PI4KA: variants seen among roughly 807,000 people sequenced by gnomAD.
The protein encoded by PI4KA is phosphatidylinositol 4-kinase alpha.
In PI4KA, 122 loss-of-function variants were observed where a neutral mutation model predicts 271.4. The observed-to-expected ratio is 0.45, with a 90% CI of 0.39 to 0.52. The LOEUF (loss-of-function observed/expected upper bound fraction) is 0.52, where lower values mean the gene tolerates loss of function less well. Ranked by LOEUF, PI4KA falls within the 20% of genes least tolerant of loss-of-function variation. The probability of loss-of-function intolerance (pLI) is 0.00; values close to 1 mark genes in which losing one functional copy is unlikely to be tolerated. For missense variants in PI4KA, 1,969 were observed against 2,769.1 expected, an observed-to-expected ratio of 0.71 and a Z score of 6.48; for synonymous variants, 1,041 against 1,078.8, an observed-to-expected ratio of 0.96 and a Z score of 0.69.
At chr22:20,843,182 T>G (rs1023636031) in intron 1 of PI4KA, among the ~76,000 whole-genome samples, 3 of 152,144 alleles carry the variant, frequency 2.0e-5, no homozygotes. Context: ...TAAAAAATAT[T>G]GATAACTTTA....
chr22:20,719,887 G>A (rs1041072154), intron 43 of PI4KA, among the ~76,000 whole-genome samples: 3 of 152,034 alleles, frequency 2.0e-5, no homozygotes, highest in Non-Finnish European at 2.9e-5. Flanking sequence ...ATTAGCAGGC[G>A]TGGTGGCAGG....
intron 40 of PI4KA, 112 bp downstream of exon 40, chr22:20,727,662 C>G: frequency 1.2e-6 from 1 of 808,110 alleles, no homozygotes; most frequent in South Asian, 1.7e-5. Flanking sequence ...ATGAATAGCA[C>G]TGAAGTTGCC....
chr22:20,852,894 T>C (rs1221846086), intron 1 of PI4KA, among the ~76,000 whole-genome samples: 2 of 152,182 alleles, frequency 1.3e-5, no homozygotes. Flanking sequence ...GGAGCACATA[T>C]GTCCACCAAG....
intron 1 of PI4KA, among the ~76,000 whole-genome samples, chr22:20,853,551 C>T (rs1927242893): frequency 6.6e-6 from 1 of 152,170 alleles, no homozygotes; most frequent in African/African-American, 2.4e-5. Context: ...TTATCTTTCT[C>T]CCAGAGGGAG....
At position 20,721,406 on chromosome 22, in the gene PI4KA, G is replaced by T; in HGVS notation, c.5008C>A (p.Arg1670=). 6.2e-7 allele frequency: 1 copy of T among 1,613,788 alleles called. No individual in the cohort carries two copies. The change falls in exon 43 of 55, where the codon CGG becomes AGG. Residue 1670 remains arginine, a synonymous_variant. Transcript: ENST00000255882. ...ALRYDKMGYV[R]EYILWAASKS... The stretch of plus-strand genomic sequence containing the variant: ...GACGCTGCCCACAGAATATACTCCC[G>T]CACATAGCCCATCTGCAGGAGAGCA...
chr22:20,820,196 C>T (rs1259772158), intron 5 of PI4KA, among the ~76,000 whole-genome samples: 3 of 152,196 alleles, frequency 2.0e-5, no homozygotes, highest in Admixed American at 6.5e-5. Context: ...TTATCAAGTA[C>T]CTTATACATT....
chr22:20,854,108 A>C (rs1172030303), intron 1 of PI4KA, among the ~76,000 whole-genome samples: 1 of 151,950 alleles, frequency 6.6e-6, no homozygotes, highest in Non-Finnish European at 1.5e-5. Context: ...GAGCTCAATA[A>C]ATGTTTTCTG....
chr22:20,856,584 G>GC (rs1053778935), intron 1 of PI4KA, among the ~76,000 whole-genome samples: 9 of 151,870 alleles, frequency 5.9e-5, no homozygotes, highest in Non-Finnish European at 1.3e-4. Flanking sequence ...AGAGGCACGT[G>GC]CCACCACACC....
In PI4KA at chr22:20,729,339, G is replaced by A; in HGVS notation, c.4656C>T (p.Pro1552=). ...TGGCAGGCAGCTGCACGGCTAGGTA[G>A]GGAGAGATGCTCCAGGCGAGGTTCA... is the stretch of plus-strand genomic sequence containing the variant. ...DNVNLAWSIS[P]YLAVQLPARF... Residue 1552 remains proline (P), a synonymous_variant, in exon 39 of 55, where the codon CCC becomes CCT. Coordinates refer to ENST00000255882, the MANE Select transcript of PI4KA (RefSeq NM_058004.4). 1 of 1,613,914 alleles carries A rather than the reference G, an allele frequency of 6.2e-7. No individual in the cohort carries two copies. Among genetic ancestry groups the A allele is most frequent in the South Asian group, 1.1e-5 (1 of 91,056 alleles).
chr22:20,738,075 A>C (rs1928951407), intron 32 of PI4KA, among the ~76,000 whole-genome samples: 1 of 152,164 alleles, frequency 6.6e-6, no homozygotes, highest in South Asian at 2.1e-4. Flanking sequence ...AGGAGGGCAC[A>C]CTTGTCCTCT....
At chr22:20,835,016 A>G (rs1924677830) in intron 2 of PI4KA, among the ~76,000 whole-genome samples, 1 of 152,208 alleles carries the variant, frequency 6.6e-6, no homozygotes, top group South Asian at 2.1e-4. Context: ...TTAGAGCCCC[A>G]AAACCCATCC....
intron 3 of PI4KA, among the ~76,000 whole-genome samples, chr22:20,834,139 G>A (rs984307764): frequency 1.3e-5 from 2 of 152,070 alleles, no homozygotes; most frequent in Non-Finnish European, 2.9e-5. Flanking sequence ...TTGCTGTTGG[G>A]TCTCCAACCT....
intron 31 of PI4KA, 27 bp from the exon 32 acceptor site, chr22:20,742,382 G>A: frequency 1.2e-6 from 2 of 1,609,390 alleles, no homozygotes; most frequent in Non-Finnish European, 1.7e-6. Flanking sequence ...GTCAGTCAGA[G>A]GCCTCCAACA....
intron 45 of PI4KA, among the ~76,000 whole-genome samples, 193 bp from the exon 46 acceptor site, chr22:20,714,893 C>G (rs1313409357): frequency 6.6e-6 from 1 of 152,208 alleles, no homozygotes; most frequent in Non-Finnish European, 1.5e-5. Context: ...TCCTCCTTGA[C>G]TCTTCGACTC....
chr22:20,713,428 C>T (rs1925585472), intron 47 of PI4KA, 38 bp from the exon 48 acceptor site: 1 of 1,487,390 alleles, frequency 6.7e-7, no homozygotes, highest in Non-Finnish European at 9.2e-7. Flanking sequence ...AGCCTGTAGG[C>T]AGTGAGAAGC....
In PI4KA at chr22:20,830,325, G is replaced by A. The variant is rs190887689; in HGVS notation, c.367+4237C>T. Among the ~76,000 whole-genome samples the A allele has an allele frequency of 4.0e-4, 59 of 147,696 alleles. No homozygotes were observed. In the East Asian group the frequency reaches 9.2e-3, roughly 23 times the overall value. The stretch of plus-strand genomic sequence containing the variant: ...TATGAATGTGGTTGCTTCCGTGTTC[G>A]ATATGTATAAATTTGCTCCCGTGTT... On this transcript the variant is annotated intron_variant, in intron 3 of 54. Transcript: ENST00000255882.
At chr22:20,831,927 T>G (rs1179283750) in intron 3 of PI4KA, among the ~76,000 whole-genome samples, 1 of 152,136 alleles carries the variant, frequency 6.6e-6, no homozygotes, top group East Asian at 1.9e-4. Flanking sequence ...CCAAGTTGCT[T>G]ATTTTCTCTC....
At position 20,814,355 on chromosome 22, in the gene PI4KA, T is replaced by C. The variant is rs1024365911; in HGVS notation, c.857-849A>G. ...AAGGGGAAATGGGGAATAATTGATG[T>C]ATAGTTTCAGTTTCACGAGATGAAA... On this transcript the variant is annotated intron_variant, in intron 7 of 54. Transcript: ENST00000255882. Among the ~76,000 whole-genome samples the C allele has an allele frequency of 3.9e-5, 6 of 152,292 alleles. No individual in the cohort carries two copies. In the South Asian group the frequency reaches 1.2e-3, roughly 32 times the overall value.
intron 36 of PI4KA, among the ~76,000 whole-genome samples, chr22:20,731,566 CGGGCGGATCAGA>C (rs1454004421): frequency 1.3e-5 from 2 of 151,964 alleles, no homozygotes; most frequent in Non-Finnish European, 2.9e-5. Flanking sequence ...GAGGCTGAGG[CGGGCGGATCAGA>C]AGGTCAGGAG....
Sources: gnomAD v4.1 joint callset for allele counts (sites outside exome capture counted in the v4.1 genomes callset) on GRCh38, gnomAD v4.1.1 for gene constraint, MANE v1.5 for transcripts, NCBI Gene and HGNC (gene_info 2026-07-23, HGNC 2026-07-21) for gene names.